The following SNCB variants were observed in gnomAD, a reference collection of about 807,000 sequenced individuals.
SNCB encodes the protein synuclein beta.
A neutral mutation model predicts 20.0 loss-of-function variants in SNCB; 8 were observed. The observed-to-expected ratio is 0.40, with a 90% CI of 0.24 to 0.72. The LOEUF (loss-of-function observed/expected upper bound fraction) is 0.72, where lower values mean the gene tolerates loss of function less well. SNCB is among the 30% of genes least tolerant of loss of function. The probability of loss-of-function intolerance (pLI) is 0.37; values close to 1 mark genes in which losing one functional copy is unlikely to be tolerated. For synonymous variants in SNCB, 56 were observed against 65.4 expected (o/e 0.86, Z 0.69); for missense variants, 125 against 168.0 (o/e 0.74, Z 1.41).
chr5:176,621,267 G>A lies in SNCB; in HGVS notation c.319C>T (p.Leu107=). 1 of 1,613,962 alleles carries A rather than the reference G, an allele frequency of 6.2e-7. No homozygotes were observed. Among genetic ancestry groups the A allele is most frequent in the South Asian group, 1.1e-5 (1 of 90,956 alleles). ...TCTGGCTCCATCAGGGGCTCAATCA[G>A]TGGTTCTTCAGCAGCTTCCTGGGCC... The part of the protein sequence containing the change: ...EVAQEAAEEP[L]IEPLMEPEGE... Residue 107 remains leucine (L), a synonymous_variant, in exon 5 of 6, where the codon CTG becomes TTG. Coordinates refer to ENST00000393693, the MANE Select transcript of SNCB (RefSeq NM_003085.5). This position sits in a 1 kb window ranked among gnomAD's most constrained non-coding sequence, Gnocchi z 4.1.
chr5:176,624,823 A>AC (rs1554148277), intron 4 of SNCB, among the ~76,000 whole-genome samples: 1 of 151,792 alleles, frequency 6.6e-6, no homozygotes, highest in African/African-American at 2.4e-5. Context: ...AAAAACAAAA[A>AC]AAAACAAATG....
In SNCB at chr5:176,629,461, G is replaced by T; in HGVS notation, c.121+73C>A. The T allele has an allele frequency of 6.5e-7, 1 of 1,544,726 alleles. No homozygotes were observed. Among genetic ancestry groups the T allele is most frequent in the Non-Finnish European group, 8.9e-7 (1 of 1,128,820 alleles). ...CTCCTGCCCAGAACCCCCCTCCCCGGGACCCGGCCCCAGCTCCACACTGTC... is the reference window on the plus strand; with the variant it reads ...CTCCTGCCCAGAACCCCCCTCCCCGTGACCCGGCCCCAGCTCCACACTGTC... On this transcript the variant is annotated intron_variant, in intron 2 of 5. Coordinates refer to ENST00000393693, the MANE Select transcript of SNCB (RefSeq NM_003085.5). This position sits in a 1 kb window ranked among gnomAD's most constrained non-coding sequence, Gnocchi z 4.1.
Position 176,620,567 on chromosome 5 carries a change from A to G in SNCB, c.*244T>C. ...CGCAGACGCTGGATGGGAGGAGGCA[A>G]CACTGGAGGGGCGAGGCTCCCAGCC... is the stretch of plus-strand genomic sequence containing the variant. On this transcript the variant is annotated 3_prime_UTR_variant, in exon 6 of 6. Transcript: ENST00000393693. This position sits in a 1 kb window ranked among gnomAD's most constrained non-coding sequence, Gnocchi z 4.5. The G allele has an allele frequency of 1.7e-6, 1 of 593,678 alleles. No individual in the cohort carries two copies. Among genetic ancestry groups the G allele is most frequent in the Non-Finnish European group, 3.0e-6 (1 of 332,672 alleles). 36.8% of individuals were successfully genotyped at this position (593,678 alleles called of 1,614,324 possible).
chr5:176,624,367 T>A (rs1759795686), intron 4 of SNCB, among the ~76,000 whole-genome samples: 1 of 152,222 alleles, frequency 6.6e-6, no homozygotes, highest in Non-Finnish European at 1.5e-5. Context: ...AGTCTCTTCA[T>A]CTGTAAAACG....
In SNCB at chr5:176,626,351, TG is replaced by T; in HGVS notation, c.282+46del. 1 of 1,075,306 alleles carries T rather than the reference TG, an allele frequency of 9.3e-7. No individual in the cohort carries two copies. Among genetic ancestry groups the T allele is most frequent in the Non-Finnish European group, 1.4e-6 (1 of 690,520 alleles). The allele number at this position is 1,075,306 out of a possible 1,614,324, so 66.6% of individuals were successfully genotyped here. A position where few individuals can be genotyped will look rare whatever the true frequency, so the allele number is the denominator to read the frequency against. On this transcript the variant is annotated intron_variant, in intron 4 of 5. Coordinates refer to ENST00000393693, the MANE Select transcript of SNCB (RefSeq NM_003085.5). The surrounding 1 kb of genome is among the most constrained non-coding windows in gnomAD (Gnocchi z 4.2). The stretch of plus-strand genomic sequence containing the variant: ...TGTGTGCCTGGTGTGTGTGTGTGTG[TG>T]TGTGTGTGTGTTTGCCTGCATGTGC...
In SNCB at chr5:176,621,800, A is replaced by G. The variant is rs966580376; in HGVS notation, c.283-497T>C. Reference sequence around the variant, plus strand: ...TTTCTTCAGCTGTTGCTATTTTAAGATAAGCTGGAAGCCACAGCTCGTGGT... The same window carrying G: ...TTTCTTCAGCTGTTGCTATTTTAAGGTAAGCTGGAAGCCACAGCTCGTGGT... On this transcript the variant is annotated intron_variant, in intron 4 of 5. Transcript: ENST00000393693. This position sits in a 1 kb window ranked among gnomAD's most constrained non-coding sequence, Gnocchi z 4.1. Among the ~76,000 whole-genome samples the G allele has an allele frequency of 6.6e-6, 1 of 152,152 alleles. No individual in the cohort carries two copies. Among genetic ancestry groups the G allele is most frequent in the African/African-American group, 2.4e-5 (1 of 41,426 alleles).
Position 176,626,913 on chromosome 5 carries a change from C to T in SNCB, c.122-152G>A, listed in dbSNP as rs1012990941. 19 of 792,794 alleles carry T rather than the reference C, an allele frequency of 2.4e-5. No homozygotes were observed. The highest frequency in any genetic ancestry group is 1.4e-4 in the African/African-American group (8 of 59,010). 49.1% of individuals were successfully genotyped at this position (792,794 alleles called of 1,614,324 possible). A position where few individuals can be genotyped will look rare whatever the true frequency, so the allele number is the denominator to read the frequency against. ...CAACCTGCACCCCCATGTTAACCCC[C>T]GTCTTATCACTGCACTGGGCCCCAC... is the stretch of plus-strand genomic sequence containing the variant. On this transcript the variant is annotated intron_variant, in intron 2 of 5. Transcript: ENST00000393693. The surrounding 1 kb of genome is among the most constrained non-coding windows in gnomAD (Gnocchi z 4.2).
rs553155083 is a variant in SNCB at position 176,620,960 on chromosome 5, C to A, written c.373-117G>T. On this transcript the variant is annotated intron_variant, in intron 5 of 5. Transcript: ENST00000393693. The surrounding 1 kb of genome is among the most constrained non-coding windows in gnomAD (Gnocchi z 4.5). ...CCCTGAAGGAGGAATAGCACATTCC[C>A]CTTTTCCTGGGCAGGGGAGGAGCCT... The A allele has an allele frequency of 7.5e-5, 71 of 944,272 alleles. No individual in the cohort carries two copies. The African/African-American group carries it at 1.1e-3, about 14-fold the overall frequency. The allele number at this position is 944,272 out of a possible 1,614,324, so 58.5% of individuals were successfully genotyped here. A position where few individuals can be genotyped will look rare whatever the true frequency, so the allele number is the denominator to read the frequency against.
At chr5:176,625,007 C>T (rs1296331502) in intron 4 of SNCB, among the ~76,000 whole-genome samples, 2 of 152,192 alleles carry the variant, frequency 1.3e-5, no homozygotes, top group African/African-American at 4.8e-5. Flanking sequence ...ACACTGATCA[C>T]CCAAACCAGA....
In SNCB at chr5:176,630,494, C is replaced by CGCTCCGGCTCCG. The variant is rs948283267; in HGVS notation, c.-236_-225dup. On this transcript the variant is annotated 5_prime_UTR_variant, in exon 1 of 6. Transcript: ENST00000393693. The stretch of plus-strand genomic sequence containing the variant: ...GTTCCTCGCGCCCTGCGAGCTCGCG[C>CGCTCCGGCTCCG]GCTCCGGCTCCGGCTCCGGCTCCGG... The CGCTCCGGCTCCG allele has an allele frequency of 8.7e-4, 133 of 153,666 alleles. No homozygotes were observed. Among genetic ancestry groups the CGCTCCGGCTCCG allele is most frequent in the African/African-American group, 2.1e-3 (87 of 41,540 alleles). 9.5% of individuals were successfully genotyped at this position (153,666 alleles called of 1,614,324 possible).
At position 176,626,530 on chromosome 5, in the gene SNCB, G is replaced by T. The variant is rs777092116; in HGVS notation, c.164-14C>A. ...TTTTTTCAGCCACTGGAGCAGGGAG[G>T]GGGTTGAGGAAGGGGTTTGGGAGCC... On this transcript the variant is annotated splice_polypyrimidine_tract_variant and intron_variant, in intron 3 of 5. Transcript: ENST00000393693. This position sits in a 1 kb window ranked among gnomAD's most constrained non-coding sequence, Gnocchi z 4.2. The T allele has an allele frequency of 3.7e-6, 6 of 1,603,848 alleles. No individual in the cohort carries two copies. Among genetic ancestry groups the T allele is most frequent in the Non-Finnish European group, 5.1e-6 (6 of 1,170,650 alleles).
Position 176,629,408 on chromosome 5 carries a change from G to T in SNCB, c.121+126C>A. 1 of 1,041,622 alleles carries T rather than the reference G, an allele frequency of 9.6e-7. No individual in the cohort carries two copies. The highest frequency in any genetic ancestry group is 1.4e-6 in the Non-Finnish European group (1 of 701,266). 64.5% of individuals were successfully genotyped at this position (1,041,622 alleles called of 1,614,324 possible). On this transcript the variant is annotated intron_variant, in intron 2 of 5. Transcript: ENST00000393693. This position sits in a 1 kb window ranked among gnomAD's most constrained non-coding sequence, Gnocchi z 4.1. The stretch of plus-strand genomic sequence containing the variant: ...GGCTATGTCCCCTATGACCCCTGCT[G>T]ACCTCGCCCCATCTGCTGACTCATA...
At position 176,629,754 on chromosome 5, in the gene SNCB, A is replaced by C. The variant is rs1437973083; in HGVS notation, c.-9-91T>G. On this transcript the variant is annotated intron_variant, in intron 1 of 5. Transcript: ENST00000393693. This position sits in a 1 kb window ranked among gnomAD's most constrained non-coding sequence, Gnocchi z 4.1. ...GGACGCAGATGCCCCCCTACTCCCG[A>C]GACCGCGGCGCCCTTCTGGACCCTG... 1.3e-5 allele frequency: 19 copies of C among 1,498,720 alleles called. No individual in the cohort carries two copies. Among genetic ancestry groups the C allele is most frequent in the Non-Finnish European group, 1.4e-5 (16 of 1,115,510 alleles). The allele number at this position is 1,498,720 out of a possible 1,614,324, so 92.8% of individuals were successfully genotyped here. A position where few individuals can be genotyped will look rare whatever the true frequency, so the allele number is the denominator to read the frequency against.
At chr5:176,623,199 C>A (rs1421858630) in intron 4 of SNCB, among the ~76,000 whole-genome samples, 1 of 151,992 alleles carries the variant, frequency 6.6e-6, no homozygotes, top group Non-Finnish European at 1.5e-5. Context: ...ACTAGCCTGG[C>A]CAACATGGTG....
In SNCB at chr5:176,629,811, C is replaced by T; in HGVS notation, c.-9-148G>A. The stretch of plus-strand genomic sequence containing the variant: ...CTCCCGCTTTCCCCCCATCCCACCC[C>T]ACTCCCCAGTGCGAAGCCTCAGGGC... On this transcript the variant is annotated intron_variant, in intron 1 of 5. Transcript: ENST00000393693. This position sits in a 1 kb window ranked among gnomAD's most constrained non-coding sequence, Gnocchi z 4.1. The T allele has an allele frequency of 1.6e-5, 18 of 1,120,910 alleles. No individual in the cohort carries two copies. The highest frequency in any genetic ancestry group is 2.0e-5 in the Non-Finnish European group (16 of 812,246). The allele number at this position is 1,120,910 out of a possible 1,614,324, so 69.4% of individuals were successfully genotyped here. A position where few individuals can be genotyped will look rare whatever the true frequency, so the allele number is the denominator to read the frequency against.
At position 176,628,108 on chromosome 5, in the gene SNCB, A is replaced by G. The variant is rs376771366; in HGVS notation, c.122-1347T>C. Among the ~76,000 whole-genome samples the G allele has an allele frequency of 4.1e-3, 626 of 152,314 alleles. 7 individuals carry two copies. The highest frequency in any genetic ancestry group is 0.014 in the African/African-American group (586 of 41,558). On this transcript the variant is annotated intron_variant, in intron 2 of 5. Transcript: ENST00000393693. ...GAGGCAGGACCATGAAGGGCACTGA[A>G]TGCCAGGGTACAGGGAGCCGAGGCT...
intron 2 of SNCB, among the ~76,000 whole-genome samples, chr5:176,628,191 G>A (rs1035863868): frequency 1.3e-5 from 2 of 152,156 alleles, no homozygotes; most frequent in African/African-American, 4.8e-5. Flanking sequence ...GGAGCAGGAA[G>A]TGCCAATCTA....
In SNCB at chr5:176,630,487, G is replaced by C. The variant is rs1056403371; in HGVS notation, c.-217C>G. The C allele has an allele frequency of 5.9e-5, 9 of 153,484 alleles. No individual in the cohort carries two copies. Among genetic ancestry groups the C allele is most frequent in the African/African-American group, 1.7e-4 (7 of 41,380 alleles). 9.5% of individuals were successfully genotyped at this position (153,484 alleles called of 1,614,324 possible). On this transcript the variant is annotated 5_prime_UTR_variant, in exon 1 of 6. Transcript: ENST00000393693. ...ACCGCTCGTTCCTCGCGCCCTGCGA[G>C]CTCGCGCGCTCCGGCTCCGGCTCCG...
In SNCB at chr5:176,629,789, C is replaced by T. The variant is rs1174579199; in HGVS notation, c.-9-126G>A. On this transcript the variant is annotated intron_variant, in intron 1 of 5. Coordinates refer to ENST00000393693, the MANE Select transcript of SNCB (RefSeq NM_003085.5). The surrounding 1 kb of genome is among the most constrained non-coding windows in gnomAD (Gnocchi z 4.1). ...GCCCTTCTGGACCCTGAGCCCCCTC[C>T]CGCTTTCCCCCCATCCCACCCCACT... 4 of 1,324,710 alleles carry T rather than the reference C, an allele frequency of 3.0e-6. No homozygotes were observed. Among genetic ancestry groups the T allele is most frequent in the Middle Eastern group, 2.7e-4 (1 of 3,690 alleles). 82.1% of individuals were successfully genotyped at this position (1,324,710 alleles called of 1,614,324 possible). A position where few individuals can be genotyped will look rare whatever the true frequency, so the allele number is the denominator to read the frequency against.
Sources: gnomAD v4.1 joint callset for allele counts (sites outside exome capture counted in the v4.1 genomes callset) on GRCh38, gnomAD v4.1.1 for gene constraint, Gnocchi (gnomAD v3.1) non-coding constraint, MANE v1.5 for transcripts, NCBI Gene and HGNC (gene_info 2026-07-23, HGNC 2026-07-21) for gene names.